NETO2: variants seen among roughly 807,000 people sequenced by gnomAD.
NETO2 encodes neuropilin and tolloid like 2, also known as neuropilin and tolloid-like protein 2.
In NETO2, 28 loss-of-function variants were observed where a neutral mutation model predicts 62.5. The observed-to-expected ratio is 0.45, with a 90% confidence interval of 0.33 to 0.61. The LOEUF is 0.61. NETO2 is among the 20% of genes least tolerant of loss of function. The pLI, the probability that NETO2 is intolerant of heterozygous loss-of-function variation, is 0.02. For missense variants in NETO2, 548 were observed against 643.2 expected, an observed-to-expected ratio of 0.85 and a Z score of 1.60; for synonymous variants, 214 against 219.1, an observed-to-expected ratio of 0.98 and a Z score of 0.21.
chr16:47,126,072 G>A (rs1016439124), intron 4 of NETO2, among the ~76,000 whole-genome samples: 1 of 152,004 alleles, frequency 6.6e-6, no homozygotes, highest in African/African-American at 2.4e-5. Flanking sequence ...TATATAAATG[G>A]AGTCATATTT....
At chr16:47,125,286 G>A (rs1446389161) in intron 4 of NETO2, among the ~76,000 whole-genome samples, 1 of 151,634 alleles carries the variant, frequency 6.6e-6, no homozygotes, top group African/African-American at 2.4e-5. Context: ...ATTTCACAAG[G>A]CAGGATATCC....
At chr16:47,108,931 A>T (rs1413643564) in intron 7 of NETO2, among the ~76,000 whole-genome samples, 1 of 152,210 alleles carries the variant, frequency 6.6e-6, no homozygotes, top group Non-Finnish European at 1.5e-5. Flanking sequence ...TAAATCTTTG[A>T]TGACCATAGT....
chr16:47,083,563 C>T lies in NETO2; in HGVS notation c.1236G>A (p.Leu412=). ...SLRDKEISAD[L]ADLSEELDNY... ...TGTCCAATTCTTCCGACAAGTCTGC[C>T]AGGTCTGCAGAAATCTCTTTGTCCC... The change falls in exon 9 of 9, where the codon CTG becomes CTA. Residue 412 remains leucine, a synonymous_variant. Coordinates refer to ENST00000562435, the MANE Select transcript of NETO2 (RefSeq NM_018092.5). 2 of 1,614,170 alleles carry T rather than the reference C, an allele frequency of 1.2e-6. No individual in the cohort carries two copies. The highest frequency in any genetic ancestry group is 1.1e-5 in the South Asian group (1 of 91,074).
At chr16:47,120,870 T>C (rs1398180418) in intron 6 of NETO2, among the ~76,000 whole-genome samples, 5 of 152,188 alleles carry the variant, frequency 3.3e-5, no homozygotes, top group African/African-American at 1.2e-4. Flanking sequence ...CCCTGTGTCA[T>C]GCTTTTCATT....
At position 47,080,653 on chromosome 16, in the gene NETO2, CAT is replaced by C. The variant is rs1028659941; in HGVS notation, c.*2566_*2567del. On this transcript the variant is annotated 3_prime_UTR_variant, in exon 9 of 9. Transcript: ENST00000562435. The stretch of plus-strand genomic sequence containing the variant: ...TCTATGATTCAATGAAGGTGTATAA[CAT>C]GTGACAGGCTAAGGCTGGCTTAGCT... 2.6e-5 allele frequency: 4 copies of C among 152,122 alleles called. No homozygotes were observed. The highest frequency in any genetic ancestry group is 9.7e-5 in the African/African-American group (4 of 41,426). The allele number at this position is 152,122 out of a possible 1,614,324, so 9.4% of individuals were successfully genotyped here.
At chr16:47,092,264 G>A (rs1006528270) in intron 7 of NETO2, among the ~76,000 whole-genome samples, 1 of 152,096 alleles carries the variant, frequency 6.6e-6, no homozygotes, top group Admixed American at 6.6e-5. Context: ...TCTCCCTGGC[G>A]GCTCCCTTTT....
At chr16:47,086,130 T>C (rs1316448533) in intron 8 of NETO2, 96 bp downstream of exon 8, 4 of 786,794 alleles carry the variant, frequency 5.1e-6, no homozygotes, top group East Asian at 2.5e-5. Context: ...AAAGCAGCTA[T>C]GCTAAGCACT....
chr16:47,095,689 G>T (rs187912511), intron 7 of NETO2, among the ~76,000 whole-genome samples: 1 of 152,146 alleles, frequency 6.6e-6, no homozygotes, highest in Non-Finnish European at 1.5e-5. Flanking sequence ...ACTGATGGGA[G>T]AAGTAGACAC....
chr16:47,129,827 C>T (rs558711322), intron 2 of NETO2, among the ~76,000 whole-genome samples: 8 of 152,258 alleles, frequency 5.3e-5, no homozygotes, highest in Admixed American at 3.9e-4. Context: ...TCCTCAAACT[C>T]CACTTAAACA....
intron 6 of NETO2, among the ~76,000 whole-genome samples, chr16:47,121,021 T>A (rs114605807): frequency 0.023 from 3,477 of 152,204 alleles, 128 homozygotes; most frequent in African/African-American, 0.077. Flanking sequence ...CTACAGAGTA[T>A]CAGTTATGGA....
intron 6 of NETO2, 129 bp downstream of exon 6, chr16:47,122,528 T>C (rs1211391311): frequency 1.0e-6 from 1 of 983,732 alleles, no homozygotes; most frequent in Non-Finnish European, 1.5e-6. Context: ...TGAAATAAAA[T>C]ACATTTTAAA....
chr16:47,104,499 A>G (rs1239159542), intron 7 of NETO2, among the ~76,000 whole-genome samples: 2 of 152,176 alleles, frequency 1.3e-5, no homozygotes, highest in Non-Finnish European at 2.9e-5. Context: ...CAAAATCCCA[A>G]CAGTGTTTCT....
intron 8 of NETO2, among the ~76,000 whole-genome samples, chr16:47,085,982 T>A (rs780897076): frequency 1.1e-4 from 17 of 151,992 alleles, no homozygotes; most frequent in Non-Finnish European, 1.6e-4. Flanking sequence ...GGCAGGCACC[T>A]GTAGTCCCAG....
chr16:47,107,582 G>A (rs1438935900), intron 7 of NETO2, among the ~76,000 whole-genome samples: 1 of 152,160 alleles, frequency 6.6e-6, no homozygotes, highest in African/African-American at 2.4e-5. Context: ...AGGGCTCCTT[G>A]GAAATGCGGC....
chr16:47,141,372 G>C (rs1354864380), intron 1 of NETO2, among the ~76,000 whole-genome samples: 1 of 152,002 alleles, frequency 6.6e-6, no homozygotes, highest in Non-Finnish European at 1.5e-5. Flanking sequence ...ACAATGAGTA[G>C]TTTGTAATGG....
intron 7 of NETO2, among the ~76,000 whole-genome samples, chr16:47,095,590 G>A (rs1963411510): frequency 6.6e-6 from 1 of 152,116 alleles, no homozygotes; most frequent in South Asian, 2.1e-4. Context: ...TGATAAAAGG[G>A]TCAATTCACC....
In NETO2 at chr16:47,129,198, T is replaced by C. The variant is rs987328157; in HGVS notation, c.232+26A>G. On this transcript the variant is annotated intron_variant, in intron 3 of 8. Coordinates refer to ENST00000562435, the MANE Select transcript of NETO2 (RefSeq NM_018092.5). ...AGTTTTACAATAAAGTAAAAATTCA[T>C]CCAATAAAAGAAATCGTTCAAATAC... 3.1e-6 allele frequency: 5 copies of C among 1,605,422 alleles called. No individual in the cohort carries two copies. The African/African-American group carries it at 5.4e-5, about 17-fold the overall frequency.
At chr16:47,110,291 T>G (rs1285219541) in intron 6 of NETO2, among the ~76,000 whole-genome samples, 1 of 152,236 alleles carries the variant, frequency 6.6e-6, no homozygotes. Flanking sequence ...ACCTGCATTT[T>G]CAGACAGGCA....
At chr16:47,116,178 T>C (rs1433023899) in intron 6 of NETO2, among the ~76,000 whole-genome samples, 2 of 149,464 alleles carry the variant, frequency 1.3e-5, no homozygotes, top group African/African-American at 4.9e-5. Flanking sequence ...AGGCTCTTAC[T>C]ATGATGTCCA....
Sources: gnomAD v4.1 joint callset for allele counts (sites outside exome capture counted in the v4.1 genomes callset) on GRCh38, gnomAD v4.1.1 for gene constraint, MANE v1.5 for transcripts, NCBI Gene and HGNC (gene_info 2026-07-23, HGNC 2026-07-21) for gene names.